FHL1: variants seen among roughly 807,000 people sequenced by gnomAD.
FHL1 encodes the protein four and a half LIM domains 1, also known as four and a half LIM domains protein 1.
Under a neutral mutation model 20.3 loss-of-function variants are expected in FHL1, and 1 was observed. That is an observed-to-expected ratio of 0.05 (90% CI 0.02 to 0.23). The LOEUF (loss-of-function observed/expected upper bound fraction) is 0.23. Ranked by LOEUF, FHL1 falls within the 10% of genes least tolerant of loss-of-function variation. FHL1 has a pLI of 1.00. For synonymous variants in FHL1, 82 were observed against 88.9 expected, an observed-to-expected ratio of 0.92 and a Z score of 0.44; for missense variants, 177 against 234.0, an observed-to-expected ratio of 0.76 and a Z score of 1.59.
At chrX:136,186,381 T>C (rs1012024501) in intron 2 of FHL1, among the ~76,000 whole-genome samples, 3 of 111,256 alleles carry the variant, frequency 2.7e-5, no homozygotes, top group African/African-American at 9.8e-5. Context: ...TTCAGTAAAC[T>C]TTGGTGGGTG....
intron 2 of FHL1, among the ~76,000 whole-genome samples, chrX:136,190,065 A>G (rs2073397734): frequency 8.9e-6 from 1 of 111,861 alleles, no homozygotes; most frequent in Non-Finnish European, 1.9e-5. Context: ...TCTTATTTAT[A>G]CCAGTTAGGT....
exon 1 of FHL1, chrX:136,147,563 C>G (rs1271351950): frequency 9.1e-6 from 1 of 110,138 alleles, no homozygotes; most frequent in African/African-American, 3.3e-5. Context: ...ACCGCCGCGC[C>G]TCGGCCTCGG....
At chrX:136,154,309 C>G (rs2072352816) in intron 1 of FHL1, among the ~76,000 whole-genome samples, 1 of 112,443 alleles carries the variant, frequency 8.9e-6, no homozygotes, top group East Asian at 2.8e-4. Flanking sequence ...TTCCGAACAG[C>G]TGTGGGCAGT....
chrX:136,201,594 G>A (rs774929870), intron 1 of FHL1, among the ~76,000 whole-genome samples: 5 of 111,099 alleles, frequency 4.5e-5, no homozygotes, highest in Non-Finnish European at 7.5e-5. Flanking sequence ...ATTAGGGACC[G>A]TGTTTCCTTG....
intron 2 of FHL1, among the ~76,000 whole-genome samples, chrX:136,172,230 T>C (rs2072890226): frequency 8.9e-6 from 1 of 112,282 alleles, no homozygotes; most frequent in Non-Finnish European, 1.9e-5. Flanking sequence ...AACAGAAATA[T>C]ATAGGATTAC....
At chrX:136,155,249 G>A (rs2072382666) in intron 1 of FHL1, among the ~76,000 whole-genome samples, 1 of 111,578 alleles carries the variant, frequency 9.0e-6, no homozygotes, top group African/African-American at 3.3e-5. Context: ...CCGTTTGCCA[G>A]TGTTAACAAT....
intron 2 of FHL1, among the ~76,000 whole-genome samples, chrX:136,191,548 C>A (rs2073432113): frequency 8.9e-6 from 1 of 112,031 alleles, no homozygotes; most frequent in Non-Finnish European, 1.9e-5. Context: ...CCCAGAGAAC[C>A]ACTCATGAGT....
intron 2 of FHL1, among the ~76,000 whole-genome samples, chrX:136,188,594 G>A (rs2073363822): frequency 9.0e-6 from 1 of 111,262 alleles, no homozygotes; most frequent in South Asian, 3.9e-4. Context: ...TAAGAGGTCC[G>A]GGGTTTCTTT....
intron 2 of FHL1, among the ~76,000 whole-genome samples, chrX:136,187,358 T>C (rs2073332857): frequency 1.8e-5 from 2 of 111,522 alleles, no homozygotes; most frequent in Non-Finnish European, 3.8e-5. Flanking sequence ...AAAAAGAATG[T>C]TCACAGCAGT....
intron 1 of FHL1, among the ~76,000 whole-genome samples, chrX:136,161,948 C>T (rs1360492127): frequency 9.2e-6 from 1 of 108,825 alleles, no homozygotes; most frequent in African/African-American, 3.3e-5. Context: ...TATGGTGAAA[C>T]CCCGTTTCTA....
chrX:136,210,884 C>G lies in FHL1; in HGVS notation c.*859C>G. The G allele has an allele frequency of 2.6e-6, 1 of 384,460 alleles. No homozygotes were observed. The highest frequency in any genetic ancestry group is 4.9e-6 in the Non-Finnish European group (1 of 203,838). The allele number at this position is 384,460 out of a possible 1,213,427, so 31.7% of individuals were successfully genotyped here. A position where few individuals can be genotyped will look rare whatever the true frequency, so the allele number is the denominator to read the frequency against. On this transcript the variant is annotated 3_prime_UTR_variant, in exon 6 of 6. Transcript: ENST00000370683. ...GGAAACTTGCATGAAAATATTTTAG[C>G]CCCCTCAGATGTTCCTGCAGTGCTG...
chrX:136,207,459 G>C (rs767420535), intron 3 of FHL1: 1 of 431,194 alleles, frequency 2.3e-6, no homozygotes, highest in Non-Finnish European at 4.0e-6. Context: ...TTTGGGCGTA[G>C]TAAGTGATGA....
At chrX:136,200,945 C>T (rs1485834680) in intron 1 of FHL1, among the ~76,000 whole-genome samples, 1 of 111,288 alleles carries the variant, frequency 9.0e-6, no homozygotes, top group African/African-American at 3.3e-5. Context: ...GGGTGGATTA[C>T]TTGAGGTCAG....
chrX:136,152,761 G>A (rs989399346), intron 1 of FHL1, among the ~76,000 whole-genome samples: 89 of 107,064 alleles, frequency 8.3e-4, no homozygotes, highest in Non-Finnish European at 1.4e-3. Flanking sequence ...GAGGTAACAC[G>A]TAGTAGACGT....
intron 1 of FHL1, among the ~76,000 whole-genome samples, chrX:136,205,149 G>T (rs891407380): frequency 2.5e-4 from 28 of 111,940 alleles, no homozygotes; most frequent in Admixed American, 1.5e-3. Flanking sequence ...TATGTTTAAA[G>T]AAGTTGAAAG....
intron 2 of FHL1, among the ~76,000 whole-genome samples, chrX:136,190,701 C>T (rs2073413252): frequency 9.0e-6 from 1 of 111,482 alleles, no homozygotes; most frequent in Non-Finnish European, 1.9e-5. Flanking sequence ...ATAACAAACC[C>T]CCTTTACCAT....
intron 2 of FHL1, among the ~76,000 whole-genome samples, chrX:136,177,026 A>ACACACACACACACACACG (rs1489774214): frequency 9.3e-6 from 1 of 107,126 alleles, no homozygotes; most frequent in Non-Finnish European, 1.9e-5. Flanking sequence ...ACACACACAC[A>ACACACACACACACACACG]CACACACACA....
upstream of FHL1, among the ~76,000 whole-genome samples, chrX:136,166,625 A>G (rs1267070373): frequency 8.9e-6 from 1 of 112,030 alleles, no homozygotes; most frequent in Non-Finnish European, 1.9e-5. Context: ...TCCATTAAGT[A>G]GAATCGGTAT....
upstream of FHL1, among the ~76,000 whole-genome samples, chrX:136,165,164 C>A (rs968235117): frequency 2.7e-5 from 3 of 111,604 alleles, no homozygotes; most frequent in Non-Finnish European, 5.6e-5. Context: ...TGGTAATATC[C>A]TTCCAGTTTT....
Sources: gnomAD v4.1 joint callset for allele counts (sites outside exome capture counted in the v4.1 genomes callset) on GRCh38, gnomAD v4.1.1 for gene constraint, MANE v1.5 for transcripts, NCBI Gene and HGNC (gene_info 2026-07-23, HGNC 2026-07-21) for gene names.